The following UST variants were observed in gnomAD, a reference collection of about 807,000 sequenced individuals.
The protein encoded by UST is uronyl 2-sulfotransferase, also known as chondroitin sulfate 2-O-sulfotransferase.
In UST, 21 loss-of-function variants were observed where a neutral mutation model predicts 45.6. The observed-to-expected ratio is 0.46, with a 90% CI of 0.33 to 0.66. The LOEUF (loss-of-function observed/expected upper bound fraction) is 0.66. UST is among the 30% of genes least tolerant of loss of function. The pLI is 0.02. For missense variants in UST, 463 were observed against 512.4 expected (o/e 0.90, Z 0.93); for synonymous variants, 215 against 200.6 (o/e 1.07, Z -0.61).
In UST at chr6:148,923,399, T is replaced by G. The variant is rs552403487; in HGVS notation, c.292-17880T>G. Among the ~76,000 whole-genome samples, 4 of 152,360 alleles carry G rather than the reference T, an allele frequency of 2.6e-5. No individual in the cohort carries two copies. The South Asian group carries it at 8.3e-4, about 32-fold the overall frequency. On this transcript the variant is annotated intron_variant, in intron 2 of 7. Coordinates refer to ENST00000367463, the MANE Select transcript of UST (RefSeq NM_005715.3). ...GCACCATTTTACATTCCACCAGCAA[T>G]GTAGGAGGCTTCCAGTGTCTTTGTA...
chr6:148,888,595 T>G (rs1170449423), intron 2 of UST, among the ~76,000 whole-genome samples: 1 of 152,194 alleles, frequency 6.6e-6, no homozygotes, highest in Non-Finnish European at 1.5e-5. Context: ...CTAAAATGAT[T>G]GAATGAGCTG....
At chr6:148,930,749 C>T (rs564117753) in intron 2 of UST, among the ~76,000 whole-genome samples, 28 of 152,266 alleles carry the variant, frequency 1.8e-4, no homozygotes, top group African/African-American at 6.5e-4. Flanking sequence ...AGAGGTGTGA[C>T]TGGTCAGGGG....
At chr6:148,948,432 G>A (rs1247949452) in intron 3 of UST, among the ~76,000 whole-genome samples, 1 of 152,132 alleles carries the variant, frequency 6.6e-6, no homozygotes, top group Non-Finnish European at 1.5e-5. Flanking sequence ...TAGAACTGCA[G>A]GTAAAGGTTT....
intron 1 of UST, among the ~76,000 whole-genome samples, chr6:148,762,832 G>A (rs1290744225): frequency 1.3e-5 from 2 of 152,066 alleles, no homozygotes; most frequent in Non-Finnish European, 2.9e-5. Flanking sequence ...TAGGACAATG[G>A]TCTTCAGCTC....
At chr6:148,826,023 A>G (rs913910661) in intron 1 of UST, among the ~76,000 whole-genome samples, 4 of 152,234 alleles carry the variant, frequency 2.6e-5, no homozygotes, top group African/African-American at 9.6e-5. Context: ...GCAAGATATC[A>G]TGGAATGAGT....
At chr6:149,025,256 C>A (rs1476048513) in intron 7 of UST, among the ~76,000 whole-genome samples, 1 of 152,158 alleles carries the variant, frequency 6.6e-6, no homozygotes, top group African/African-American at 2.4e-5. Context: ...GAAATATATG[C>A]TGACATCAAG....
intron 1 of UST, among the ~76,000 whole-genome samples, chr6:148,843,815 AG>A (rs1777931456): frequency 1.3e-5 from 2 of 152,280 alleles, no homozygotes; most frequent in South Asian, 4.1e-4. Flanking sequence ...AGTATAATCC[AG>A]GTATTTATGG....
chr6:149,045,271 T>C (rs1212029937), intron 7 of UST, among the ~76,000 whole-genome samples: 1 of 152,172 alleles, frequency 6.6e-6, no homozygotes, highest in Non-Finnish European at 1.5e-5. Context: ...ATTTTGAGAG[T>C]TGCTCCTGTG....
At chr6:148,824,934 G>A (rs1777541830) in intron 1 of UST, among the ~76,000 whole-genome samples, 2 of 146,362 alleles carry the variant, frequency 1.4e-5, no homozygotes, top group East Asian at 4.0e-4. Context: ...GCGGTGTTTG[G>A]TTTTTTGTTC....
At position 148,910,134 on chromosome 6, in the gene UST, C is replaced by CTTT. The variant is rs148286486; in HGVS notation, c.291+23126_291+23128dup. Reference sequence around the variant, plus strand: ...AAATCTCCCAAGGTAGCCTGGGATGCTTTTTTTTTTTTTTTTTTTTTTTGA... The same window carrying CTTT: ...AAATCTCCCAAGGTAGCCTGGGATGCTTTTTTTTTTTTTTTTTTTTTTTTTTGA... On this transcript the variant is annotated intron_variant, in intron 2 of 7. Coordinates refer to ENST00000367463, the MANE Select transcript of UST (RefSeq NM_005715.3). Among the ~76,000 whole-genome samples the CTTT allele has an allele frequency of 4.2e-3, 436 of 103,436 alleles. 5 individuals are homozygous for CTTT. The highest frequency in any genetic ancestry group is 6.7e-3 in the Middle Eastern group (1 of 150). 67.9% of individuals were successfully genotyped at this position (103,436 alleles called of 152,430 possible).
intron 4 of UST, among the ~76,000 whole-genome samples, chr6:148,959,940 C>G (rs775736281): frequency 7.8e-4 from 118 of 151,928 alleles, no homozygotes; most frequent in Non-Finnish European, 1.4e-3. Context: ...TGCTGGCCCC[C>G]ACTGGACCTT....
intron 1 of UST, among the ~76,000 whole-genome samples, chr6:148,766,133 T>G (rs1413443584): frequency 6.6e-6 from 1 of 152,196 alleles, no homozygotes; most frequent in Non-Finnish European, 1.5e-5. Context: ...GGCTTATATC[T>G]TCATACTTCA....
chr6:148,889,285 A>G (rs1582879470), intron 2 of UST, among the ~76,000 whole-genome samples: 2 of 152,206 alleles, frequency 1.3e-5, no homozygotes, highest in East Asian at 3.9e-4. Flanking sequence ...TTCCTTAGAC[A>G]TTTTCTGTGG....
At chr6:148,941,584 A>T in intron 3 of UST, 150 bp downstream of exon 3, 1 of 903,696 alleles carries the variant, frequency 1.1e-6, no homozygotes, top group East Asian at 2.7e-5. Context: ...TGTGGAAGGA[A>T]ATTTAAGTTA....
intron 1 of UST, among the ~76,000 whole-genome samples, chr6:148,761,337 C>G (rs1239678622): frequency 1.3e-5 from 2 of 152,174 alleles, no homozygotes; most frequent in African/African-American, 4.8e-5. Context: ...TGCCAAGTTC[C>G]TAAGAAGCTT....
chr6:149,032,290 C>G (rs539580677), intron 7 of UST, among the ~76,000 whole-genome samples: 1 of 152,282 alleles, frequency 6.6e-6, no homozygotes, highest in South Asian at 2.1e-4. Context: ...TGGCAGGGAT[C>G]CTCCCAGGCC....
chr6:149,021,466 A>G lies in UST; in HGVS notation c.922A>G (p.Ile308Val). Residue 308 changes from isoleucine (I) to valine (V), a missense_variant, in exon 7 of 8, where the codon ATC (isoleucine) becomes GTC (valine). Ile to Val is a conservative substitution (Grantham distance 29). Coordinates refer to ENST00000367463, the MANE Select transcript of UST (RefSeq NM_005715.3). ...TCATTACTTCAAGGGCGTGCTCAGT[A>G]TCTACAAAGACCCAGGTAACTTCAT... is the stretch of plus-strand genomic sequence containing the variant. Reference protein sequence around the residue: ...LPHYFKGVLSIYKDPEHRKLG... With the variant: ...LPHYFKGVLSVYKDPEHRKLG... 1 of 1,614,146 alleles carries G rather than the reference A, an allele frequency of 6.2e-7. No homozygotes were observed. Among genetic ancestry groups the G allele is most frequent in the East Asian group, 2.2e-5 (1 of 44,876 alleles).
chr6:148,905,676 GAAAACAGCCTGA>G (rs898220385), intron 2 of UST, among the ~76,000 whole-genome samples: 8 of 152,348 alleles, frequency 5.3e-5, no homozygotes, highest in African/African-American at 1.7e-4. Flanking sequence ...GAGCCAAGTG[GAAAACAGCCTGA>G]AAAACCTTTG....
At chr6:148,800,616 T>C (rs1317876949) in intron 1 of UST, among the ~76,000 whole-genome samples, 1 of 152,114 alleles carries the variant, frequency 6.6e-6, no homozygotes, top group African/African-American at 2.4e-5. Context: ...TTGCAAGGTA[T>C]ATTTGTATCA....
Sources: gnomAD v4.1 joint callset for allele counts (sites outside exome capture counted in the v4.1 genomes callset) on GRCh38, gnomAD v4.1.1 for gene constraint, MANE v1.5 for transcripts, NCBI Gene and HGNC (gene_info 2026-07-23, HGNC 2026-07-21) for gene names.